JAZF1: variants seen among roughly 807,000 people sequenced by gnomAD.
JAZF1 encodes the protein JAZF zinc finger 1.
Under a neutral mutation model 26.4 loss-of-function variants are expected in JAZF1, and 8 were observed. The ratio of observed to expected loss-of-function variants is 0.30; its 90% CI spans 0.18 to 0.55. JAZF1 has a LOEUF of 0.55. Among genes scored for constraint, JAZF1 ranks in the 20% least tolerant of loss-of-function variants. JAZF1 has a pLI of 0.94. For synonymous variants in JAZF1, 126 were observed against 122.3 expected (o/e 1.03, Z -0.20); for missense variants, 199 against 322.0 (o/e 0.62, Z 2.92).
At chr7:28,107,776 C>T (rs1784577581) in intron 1 of JAZF1, among the ~76,000 whole-genome samples, 1 of 152,194 alleles carries the variant, frequency 6.6e-6, no homozygotes, top group Non-Finnish European at 1.5e-5. Context: ...ACACACATAT[C>T]TAATGTAGTT....
intron 1 of JAZF1, among the ~76,000 whole-genome samples, chr7:28,066,899 C>T (rs1158221298): frequency 1.3e-5 from 2 of 152,006 alleles, no homozygotes; most frequent in Admixed American, 1.3e-4. Flanking sequence ...CCAAAAAAAC[C>T]CTACAAATGC....
At chr7:28,066,205 G>A (rs1055142060) in intron 1 of JAZF1, among the ~76,000 whole-genome samples, 2 of 152,074 alleles carry the variant, frequency 1.3e-5, no homozygotes, top group African/African-American at 2.4e-5. Context: ...CTAAGGCTAC[G>A]GAACTTCACC....
At chr7:28,071,854 T>G (rs1042736085) in intron 1 of JAZF1, among the ~76,000 whole-genome samples, 1 of 152,240 alleles carries the variant, frequency 6.6e-6, no homozygotes, top group Non-Finnish European at 1.5e-5. Flanking sequence ...AGCGATTCCA[T>G]GTTTAACAAG....
At chr7:28,096,967 C>A (rs1784397034) in intron 1 of JAZF1, among the ~76,000 whole-genome samples, 1 of 152,346 alleles carries the variant, frequency 6.6e-6, no homozygotes, top group South Asian at 2.1e-4. Context: ...TAAATGCCAT[C>A]TGCACCACAT....
intron 1 of JAZF1, among the ~76,000 whole-genome samples, chr7:28,087,553 T>C (rs771601572): frequency 7.2e-5 from 11 of 152,214 alleles, no homozygotes; most frequent in Non-Finnish European, 1.2e-4. Flanking sequence ...AGAAATGTAC[T>C]GTTGGTCTGT....
At chr7:27,875,020 C>T (rs894529935) in intron 3 of JAZF1, among the ~76,000 whole-genome samples, 8 of 152,196 alleles carry the variant, frequency 5.3e-5, no homozygotes, top group African/African-American at 1.9e-4. Flanking sequence ...TTGAAGGTCA[C>T]TGGGAAAAGC....
chr7:28,093,314 G>A (rs1294814704), intron 1 of JAZF1, among the ~76,000 whole-genome samples: 2 of 152,102 alleles, frequency 1.3e-5, no homozygotes, highest in African/African-American at 4.8e-5. Flanking sequence ...TTTATAAGGG[G>A]TTTCCCTCAC....
intron 1 of JAZF1, among the ~76,000 whole-genome samples, chr7:28,076,734 C>T (rs556524189): frequency 2.0e-5 from 3 of 150,876 alleles, no homozygotes; most frequent in African/African-American, 4.9e-5. Flanking sequence ...AAAAAAATCC[C>T]GTGTGGAAAT....
At chr7:28,076,471 T>C (rs188520279) in intron 1 of JAZF1, among the ~76,000 whole-genome samples, 2 of 152,232 alleles carry the variant, frequency 1.3e-5, no homozygotes, top group African/African-American at 4.8e-5. Context: ...AAAAGGTCAA[T>C]ACTCAACTCC....
chr7:28,134,697 C>A (rs987206142), intron 1 of JAZF1, among the ~76,000 whole-genome samples: 7 of 151,924 alleles, frequency 4.6e-5, no homozygotes, highest in South Asian at 2.1e-4. Flanking sequence ...TCAATTAGAA[C>A]CCAGTCTAAG....
intron 1 of JAZF1, among the ~76,000 whole-genome samples, chr7:28,141,526 C>T (rs140968528): frequency 1.9e-3 from 284 of 152,222 alleles, no homozygotes; most frequent in African/African-American, 6.5e-3. Flanking sequence ...TGTATTATGG[C>T]CCTAAGATCA....
chr7:28,036,104 C>G (rs868627567), intron 1 of JAZF1, among the ~76,000 whole-genome samples: 7 of 152,266 alleles, frequency 4.6e-5, no homozygotes, highest in African/African-American at 7.2e-5. Flanking sequence ...AAATTATAAT[C>G]ATTTCTTTGT....
rs550234753 is a variant in JAZF1 at position 28,047,059 on chromosome 7, G to T, written c.116-55078C>A. Among the ~76,000 whole-genome samples the T allele has an allele frequency of 1.2e-4, 19 of 152,050 alleles. 1 individual carries two copies. Among genetic ancestry groups the T allele is most frequent in the Admixed American group, 9.8e-4 (15 of 15,288 alleles). On this transcript the variant is annotated intron_variant, in intron 1 of 4. Coordinates refer to ENST00000283928, the MANE Select transcript of JAZF1 (RefSeq NM_175061.4). ...GACTATAAAAATATATTTTCTTCTA[G>T]AATTTTATAGATTTGAAATGTAGTT...
chr7:28,005,160 A>AT (rs1428779240), intron 1 of JAZF1, among the ~76,000 whole-genome samples: 1 of 152,016 alleles, frequency 6.6e-6, no homozygotes, highest in Non-Finnish European at 1.5e-5. Flanking sequence ...GGAACCATTT[A>AT]TTTTTCTTCA....
chr7:28,047,438 C>A (rs1396135867), intron 1 of JAZF1, among the ~76,000 whole-genome samples: 5 of 152,102 alleles, frequency 3.3e-5, no homozygotes, highest in Non-Finnish European at 5.9e-5. Context: ...ATTTATAATA[C>A]TGAGCTCCTA....
intron 3 of JAZF1, among the ~76,000 whole-genome samples, chr7:27,876,444 T>C (rs1331262991): frequency 6.6e-6 from 1 of 152,134 alleles, no homozygotes; most frequent in East Asian, 1.9e-4. Context: ...CCCTTCTCCC[T>C]CCAGAGTGCA....
intron 1 of JAZF1, among the ~76,000 whole-genome samples, chr7:28,093,902 G>C (rs1377996153): frequency 1.3e-5 from 2 of 152,212 alleles, no homozygotes; most frequent in African/African-American, 2.4e-5. Context: ...GGGTGTGGGT[G>C]GGCAGGAGCC....
intron 2 of JAZF1, among the ~76,000 whole-genome samples, chr7:27,949,280 C>T (rs937415791): frequency 2.6e-5 from 4 of 152,236 alleles, no homozygotes; most frequent in African/African-American, 9.6e-5. Flanking sequence ...GCTGATCATG[C>T]TGTTCCTTGG....
At chr7:28,002,324 CG>C (rs1005128373) in intron 1 of JAZF1, among the ~76,000 whole-genome samples, 3 of 152,120 alleles carry the variant, frequency 2.0e-5, no homozygotes, top group South Asian at 2.1e-4. Flanking sequence ...CTATGAAAGA[CG>C]GGGGGGAAAA....
Sources: gnomAD v4.1 joint callset for allele counts (sites outside exome capture counted in the v4.1 genomes callset) on GRCh38, gnomAD v4.1.1 for gene constraint, MANE v1.5 for transcripts, NCBI Gene and HGNC (gene_info 2026-07-23, HGNC 2026-07-21) for gene names.